KCNQ3: variants seen among roughly 807,000 people sequenced by gnomAD.
KCNQ3 encodes potassium voltage-gated channel subfamily KQT member 3.
In KCNQ3, 30 loss-of-function variants were observed where a neutral mutation model predicts 92.5. The observed-to-expected ratio is 0.32, with a 90% CI of 0.24 to 0.44. KCNQ3 has a LOEUF of 0.44. Ranked by LOEUF, KCNQ3 falls within the 20% of genes least tolerant of loss-of-function variation. The pLI is 1.00. For missense variants in KCNQ3, 913 were observed against 1,140.3 expected (o/e 0.80, Z 2.87); for synonymous variants, 450 against 468.8 (o/e 0.96, Z 0.52).
At chr8:132,264,789 GATA>G (rs887485030) in intron 1 of KCNQ3, among the ~76,000 whole-genome samples, 16 of 152,294 alleles carry the variant, frequency 1.1e-4, no homozygotes, top group African/African-American at 3.9e-4. Flanking sequence ...TATATTTCAG[GATA>G]ATAACTTACA....
intron 1 of KCNQ3, among the ~76,000 whole-genome samples, chr8:132,196,581 C>G (rs1827303828): frequency 6.6e-6 from 1 of 152,224 alleles, no homozygotes; most frequent in African/African-American, 2.4e-5. Context: ...AAAGGATTGG[C>G]TGAAGAAACT....
chr8:132,313,139 C>T (rs992035784), intron 1 of KCNQ3, among the ~76,000 whole-genome samples: 5 of 152,104 alleles, frequency 3.3e-5, no homozygotes, highest in South Asian at 4.1e-4. Flanking sequence ...AAAGACACTC[C>T]CTGTTTACAG....
At chr8:132,406,100 A>G (rs1234875157) in intron 1 of KCNQ3, among the ~76,000 whole-genome samples, 1 of 152,180 alleles carries the variant, frequency 6.6e-6, no homozygotes, top group Non-Finnish European at 1.5e-5. Flanking sequence ...CCAATTTCAT[A>G]AGGCCATGGT....
At chr8:132,358,087 C>G (rs764942961) in intron 1 of KCNQ3, among the ~76,000 whole-genome samples, 7 of 152,182 alleles carry the variant, frequency 4.6e-5, no homozygotes, top group African/African-American at 9.7e-5. Context: ...AAAAAAGGAG[C>G]TTCTTTAAGG....
intron 1 of KCNQ3, among the ~76,000 whole-genome samples, chr8:132,384,800 T>C (rs764376753): frequency 6.6e-5 from 10 of 152,238 alleles, no homozygotes; most frequent in Admixed American, 6.5e-4. Flanking sequence ...TGTCTAGTGC[T>C]AAGTCATTTA....
At chr8:132,170,850 A>G (rs1826315357) in intron 7 of KCNQ3, among the ~76,000 whole-genome samples, 1 of 137,876 alleles carries the variant, frequency 7.3e-6, no homozygotes, top group African/African-American at 3.1e-5. Context: ...CATCTCTACA[A>G]AAAAAAAAAA....
intron 1 of KCNQ3, among the ~76,000 whole-genome samples, chr8:132,365,686 T>C (rs546864389): frequency 2.0e-5 from 3 of 152,310 alleles, no homozygotes; most frequent in South Asian, 4.1e-4. Flanking sequence ...GTAAACAGAA[T>C]CTGGAACAAA....
chr8:132,407,392 A>C (rs2721894), intron 1 of KCNQ3, among the ~76,000 whole-genome samples: 56,024 of 152,140 alleles, frequency 0.37, 11,606 homozygotes, highest in East Asian at 0.48. Flanking sequence ...TCCACCCTGG[A>C]AAGTAGGGGC....
chr8:132,273,995 C>T (rs761530889), intron 1 of KCNQ3, among the ~76,000 whole-genome samples: 17 of 152,152 alleles, frequency 1.1e-4, no homozygotes, highest in Non-Finnish European at 2.4e-4. Context: ...CCACATTTTC[C>T]TGTCTTCTGA....
At chr8:132,477,990 T>C (rs990983294) in intron 1 of KCNQ3, among the ~76,000 whole-genome samples, 6 of 152,236 alleles carry the variant, frequency 3.9e-5, no homozygotes, top group Admixed American at 3.9e-4. Flanking sequence ...GAGGTTTTCA[T>C]ATCTTTATAT....
intron 1 of KCNQ3, among the ~76,000 whole-genome samples, chr8:132,382,786 G>T (rs1431658168): frequency 6.6e-6 from 1 of 152,088 alleles, no homozygotes; most frequent in African/African-American, 2.4e-5. Context: ...TACCATCCTT[G>T]GTGGGTAATA....
Position 132,170,489 on chromosome 8 carries a change from T to C in KCNQ3, c.1141-61A>G, listed in dbSNP as rs1269595869. ...CACCACCTGAAACTTTCGCACAGAC[T>C]CCCACACCAACAAAACAATGTTTAA... On this transcript the variant is annotated intron_variant, in intron 7 of 14. Transcript: ENST00000388996. 6.9e-6 allele frequency: 7 copies of C among 1,012,958 alleles called. No homozygotes were observed. The Admixed American group carries it at 1.2e-4, about 17-fold the overall frequency. The allele number at this position is 1,012,958 out of a possible 1,614,324, so 62.7% of individuals were successfully genotyped here.
intron 1 of KCNQ3, among the ~76,000 whole-genome samples, chr8:132,325,416 T>G (rs9649969): frequency 0.21 from 32,529 of 152,034 alleles, 3,634 homozygotes; most frequent in Non-Finnish European, 0.26. Flanking sequence ...GGGCTGAACT[T>G]TGTCTCTCTA....
At chr8:132,301,257 C>A (rs1324542176) in intron 1 of KCNQ3, among the ~76,000 whole-genome samples, 1 of 152,174 alleles carries the variant, frequency 6.6e-6, no homozygotes, top group Non-Finnish European at 1.5e-5. Flanking sequence ...CGCTCTGGCT[C>A]ACCCATCCGA....
intron 9 of KCNQ3, among the ~76,000 whole-genome samples, chr8:132,162,773 T>C (rs1826028602): frequency 6.6e-6 from 1 of 152,208 alleles, no homozygotes; most frequent in African/African-American, 2.4e-5. Flanking sequence ...CAAAGGCCAC[T>C]GTTCTCAAGT....
chr8:132,379,070 C>T (rs571193216), intron 1 of KCNQ3, among the ~76,000 whole-genome samples: 2 of 152,210 alleles, frequency 1.3e-5, no homozygotes, highest in African/African-American at 4.8e-5. Flanking sequence ...TACAGAAGTC[C>T]CCTGCATTTT....
At chr8:132,371,095 T>A (rs912264459) in intron 1 of KCNQ3, among the ~76,000 whole-genome samples, 12 of 152,194 alleles carry the variant, frequency 7.9e-5, no homozygotes, top group African/African-American at 2.9e-4. Context: ...ATACATTTGT[T>A]GTTGACTCCC....
At chr8:132,336,757 G>C (rs1818376796) in intron 1 of KCNQ3, among the ~76,000 whole-genome samples, 1 of 152,172 alleles carries the variant, frequency 6.6e-6, no homozygotes, top group South Asian at 2.1e-4. Flanking sequence ...TAATGCCCCA[G>C]TGCCTATTGA....
chr8:132,172,822 A>C (rs1208449918), intron 6 of KCNQ3, 129 bp from the exon 7 acceptor site: 1 of 720,854 alleles, frequency 1.4e-6, no homozygotes, highest in African/African-American at 1.7e-5. Context: ...AACACTGTAC[A>C]AAGAAGGGAA....
Sources: allele counts gnomAD v4.1 joint callset (sites outside exome capture counted in the v4.1 genomes callset), GRCh38; gene constraint gnomAD v4.1.1; transcripts MANE v1.5; gene names NCBI Gene and HGNC (gene_info 2026-07-23, HGNC 2026-07-21).